The following PAFAH1B1 variants were observed in gnomAD, a reference collection of about 807,000 sequenced individuals.
PAFAH1B1 encodes the protein platelet-activating factor acetylhydrolase IB subunit beta.
In PAFAH1B1, 2 loss-of-function variants were observed where a neutral mutation model predicts 57.5. The ratio of observed to expected loss-of-function variants is 0.03; its 90% CI spans 0.01 to 0.11. The LOEUF is 0.11. Among genes scored for constraint, PAFAH1B1 ranks in the 10% least tolerant of loss-of-function variants. PAFAH1B1 has a pLI of 1.00. For synonymous variants in PAFAH1B1, 152 were observed against 169.6 expected, an observed-to-expected ratio of 0.90 and a Z score of 0.81; for missense variants, 257 against 512.0, an observed-to-expected ratio of 0.50 and a Z score of 4.81.
chr17:2,665,869 T>TG lies in PAFAH1B1; in HGVS notation c.118-144dup, dbSNP rs1420710155. 1.1e-5 allele frequency: 9 copies of TG among 825,414 alleles called. No homozygotes were observed. The East Asian group carries it at 3.0e-4, about 28-fold the overall frequency. The allele number at this position is 825,414 out of a possible 1,614,324, so 51.1% of individuals were successfully genotyped here. A position where few individuals can be genotyped will look rare whatever the true frequency, so the allele number is the denominator to read the frequency against. The stretch of plus-strand genomic sequence containing the variant: ...CACCCGCCTTAGCTTCCCAAAGTGC[T>TG]GGGATTACAGGTGAGCCACCATGCC... On this transcript the variant is annotated intron_variant, in intron 3 of 10. Coordinates refer to ENST00000397195, the MANE Select transcript of PAFAH1B1 (RefSeq NM_000430.4).
chr17:2,676,238 T>A (rs2069265386), intron 8 of PAFAH1B1: 1 of 390,180 alleles, frequency 2.6e-6, no homozygotes, highest in Non-Finnish European at 4.8e-6. Flanking sequence ...ATTAGCCACA[T>A]GTGGTGGTGC....
At chr17:2,594,284 C>T (rs1407723652) in intron 1 of PAFAH1B1, among the ~76,000 whole-genome samples, 1 of 152,188 alleles carries the variant, frequency 6.6e-6, no homozygotes, top group Non-Finnish European at 1.5e-5. Context: ...TTGGGGGCTG[C>T]CGGCGCCTCT....
intron 1 of PAFAH1B1, among the ~76,000 whole-genome samples, chr17:2,617,913 GAC>G (rs2068367999): frequency 6.6e-6 from 1 of 151,562 alleles, no homozygotes; most frequent in South Asian, 2.1e-4. Context: ...AACAGAGCGA[GAC>G]TCAGTCCCGC....
chr17:2,636,213 C>A (rs1024179429), intron 1 of PAFAH1B1, among the ~76,000 whole-genome samples: 9 of 152,088 alleles, frequency 5.9e-5, no homozygotes, highest in Non-Finnish European at 1.2e-4. Flanking sequence ...GGTTCCAGTT[C>A]CACTAGTTCT....
In PAFAH1B1 at chr17:2,647,879, C is replaced by T. The variant is rs2068789560; in HGVS notation, c.32+9559C>T. On this transcript the variant is annotated intron_variant, in intron 2 of 10. Coordinates refer to ENST00000397195, the MANE Select transcript of PAFAH1B1 (RefSeq NM_000430.4). ...ATTAGCCGGGCATGGTGGCGGGCGC[C>T]TTTAGTTCCAGCTACTCGGGAGGCT... Among the ~76,000 whole-genome samples the T allele has an allele frequency of 2.0e-5, 3 of 151,890 alleles. No homozygotes were observed. The South Asian group carries it at 6.3e-4, about 32-fold the overall frequency.
chr17:2,604,800 ACT>A (rs1343001353), intron 1 of PAFAH1B1, among the ~76,000 whole-genome samples: 3 of 151,824 alleles, frequency 2.0e-5, no homozygotes, highest in South Asian at 2.1e-4. Flanking sequence ...CGACAGCAAG[ACT>A]CTGTCTCAAA....
At chr17:2,668,714 G>T (rs573177967) in intron 5 of PAFAH1B1, among the ~76,000 whole-genome samples, 9 of 151,498 alleles carry the variant, frequency 5.9e-5, no homozygotes, top group Middle Eastern at 3.5e-3. Flanking sequence ...GGTAGCTCAT[G>T]CCTGTAATCC....
At chr17:2,618,141 G>A (rs1240103080) in intron 1 of PAFAH1B1, among the ~76,000 whole-genome samples, 1 of 151,854 alleles carries the variant, frequency 6.6e-6, no homozygotes, top group East Asian at 1.9e-4. Flanking sequence ...CCAGCTATTC[G>A]GGAAGCTGAG....
intron 1 of PAFAH1B1, among the ~76,000 whole-genome samples, chr17:2,608,452 A>G (rs577396596): frequency 4.6e-5 from 7 of 152,300 alleles, no homozygotes; most frequent in Admixed American, 3.9e-4. Context: ...GCTTTTTACT[A>G]TTACAGACAA....
At chr17:2,604,363 G>T (rs949151789) in intron 1 of PAFAH1B1, among the ~76,000 whole-genome samples, 1 of 152,112 alleles carries the variant, frequency 6.6e-6, no homozygotes, top group African/African-American at 2.4e-5. Flanking sequence ...ATGATTAAAT[G>T]GATAGGAAAA....
At chr17:2,607,490 CTT>C (rs984009285) in intron 1 of PAFAH1B1, among the ~76,000 whole-genome samples, 3 of 143,576 alleles carry the variant, frequency 2.1e-5, no homozygotes, top group Non-Finnish European at 1.5e-5. Flanking sequence ...TTTTCTTTTT[CTT>C]TTTTTTTTTT....
intron 2 of PAFAH1B1, among the ~76,000 whole-genome samples, chr17:2,664,686 C>CTCTT (rs1555526164): frequency 4.7e-5 from 6 of 126,324 alleles, no homozygotes; most frequent in African/African-American, 1.8e-4. Flanking sequence ...CTCTCTCTCT[C>CTCTT]TCTCTCTTTC....
At position 2,684,652 on chromosome 17, in the gene PAFAH1B1, G is replaced by T. The variant is rs1051864367; in HGVS notation, c.*2850G>T. 1 of 152,672 alleles carries T rather than the reference G, an allele frequency of 6.5e-6. No homozygotes were observed. Among genetic ancestry groups the T allele is most frequent in the African/African-American group, 2.4e-5 (1 of 41,442 alleles). The allele number at this position is 152,672 out of a possible 1,614,324, so 9.5% of individuals were successfully genotyped here. ...TTTAGACACCGCGTGGAGCCTAGTTGCCTGTTGTCACGGCATCTTGCACTT... is the reference window on the plus strand; with the variant it reads ...TTTAGACACCGCGTGGAGCCTAGTTTCCTGTTGTCACGGCATCTTGCACTT... On this transcript the variant is annotated 3_prime_UTR_variant, in exon 11 of 11. Transcript: ENST00000397195.
At chr17:2,605,634 G>A (rs935622064) in intron 1 of PAFAH1B1, among the ~76,000 whole-genome samples, 2 of 152,004 alleles carry the variant, frequency 1.3e-5, no homozygotes, top group Admixed American at 6.6e-5. Flanking sequence ...CCTTACTTAC[G>A]CTTCAAATCT....
chr17:2,659,216 A>T (rs928637465), intron 2 of PAFAH1B1, among the ~76,000 whole-genome samples: 2 of 150,710 alleles, frequency 1.3e-5, no homozygotes, highest in Non-Finnish European at 3.0e-5. Flanking sequence ...GCCACACTGC[A>T]GCCTGGATGA....
chr17:2,601,493 G>A (rs1180881257), intron 1 of PAFAH1B1, among the ~76,000 whole-genome samples: 1 of 152,072 alleles, frequency 6.6e-6, no homozygotes, highest in Non-Finnish European at 1.5e-5. Context: ...CCAGGCTGGA[G>A]TGCAATGGCA....
Position 2,670,150 on chromosome 17 carries a change from G to A in PAFAH1B1, c.400-13G>A, listed in dbSNP as rs1346378389. The stretch of plus-strand genomic sequence containing the variant: ...TGGAGTTGGTGTTAACCAATTTTCT[G>A]TTCACTTGACAGGTGTGGGATTATG... On this transcript the variant is annotated splice_polypyrimidine_tract_variant and intron_variant, in intron 5 of 10. Transcript: ENST00000397195. The A allele has an allele frequency of 3.7e-6, 6 of 1,613,528 alleles. No homozygotes were observed. The African/African-American group carries it at 6.7e-5, about 18-fold the overall frequency.
intron 9 of PAFAH1B1, among the ~76,000 whole-genome samples, chr17:2,678,584 G>C (rs1303620090): frequency 6.6e-6 from 1 of 151,218 alleles, no homozygotes; most frequent in Admixed American, 6.6e-5. Flanking sequence ...AAAAAGAAAA[G>C]AAACAAGAAA....
intron 2 of PAFAH1B1, among the ~76,000 whole-genome samples, chr17:2,651,201 T>C (rs1025353153): frequency 6.6e-6 from 1 of 152,154 alleles, no homozygotes; most frequent in Non-Finnish European, 1.5e-5. Flanking sequence ...CACCTTCTTA[T>C]AAAACCTTGC....
Sources: gnomAD v4.1 joint callset for allele counts (sites outside exome capture counted in the v4.1 genomes callset) on GRCh38, gnomAD v4.1.1 for gene constraint, MANE v1.5 for transcripts, NCBI Gene and HGNC (gene_info 2026-07-23, HGNC 2026-07-21) for gene names.